The following MAPK8IP3 variants were observed in gnomAD, a reference collection of about 807,000 sequenced individuals.
The protein encoded by MAPK8IP3 is C-Jun-amino-terminal kinase-interacting protein 3.
Under a neutral mutation model 157.8 loss-of-function variants are expected in MAPK8IP3, and 49 were observed. That is an observed-to-expected ratio of 0.31 (90% CI 0.25 to 0.39). The LOEUF is 0.39. MAPK8IP3 is among the 10% of genes least tolerant of loss of function. The probability of loss-of-function intolerance (pLI) is 1.00; values close to 1 mark genes in which losing one functional copy is unlikely to be tolerated. For missense variants in MAPK8IP3, 1,478 were observed against 1,889.4 expected (o/e 0.78, Z 4.04); for synonymous variants, 897 against 777.7 (o/e 1.15, Z -2.55).
At chr16:1,756,619 C>T (rs939214497) in intron 8 of MAPK8IP3, among the ~76,000 whole-genome samples, 2 of 135,356 alleles carry the variant, frequency 1.5e-5, no homozygotes, top group Non-Finnish European at 3.1e-5. Context: ...CTCATTTTTA[C>T]TAAAACACAC....
At chr16:1,750,561 A>G (rs1024701836) in intron 8 of MAPK8IP3, among the ~76,000 whole-genome samples, 1 of 151,814 alleles carries the variant, frequency 6.6e-6, no homozygotes, top group African/African-American at 2.4e-5. Flanking sequence ...AAAAAATTAT[A>G]TATGCTTATA....
intron 2 of MAPK8IP3, among the ~76,000 whole-genome samples, chr16:1,727,240 C>G (rs560075337): frequency 7.1e-6 from 1 of 141,698 alleles, no homozygotes; most frequent in Non-Finnish European, 1.5e-5. Flanking sequence ...GTGCTATGTG[C>G]GGGTCTGTGT....
intron 17 of MAPK8IP3, 138 bp downstream of exon 17, chr16:1,763,921 C>T: frequency 9.3e-7 from 1 of 1,076,770 alleles, no homozygotes; most frequent in Non-Finnish European, 1.3e-6. Flanking sequence ...CGGGGCCTGG[C>T]AGGTTCCTAG....
At chr16:1,715,963 G>A (rs1200884422) in intron 1 of MAPK8IP3, among the ~76,000 whole-genome samples, 7 of 152,044 alleles carry the variant, frequency 4.6e-5, no homozygotes, top group East Asian at 1.9e-4. Context: ...CTGACCTCAC[G>A]TGATCTGCCC....
chr16:1,734,970 A>C (rs2039568483), intron 4 of MAPK8IP3: 1 of 154,666 alleles, frequency 6.5e-6, no homozygotes, highest in African/African-American at 2.4e-5. Flanking sequence ...CTGTGTGGCC[A>C]CATGTGTGCC....
intron 6 of MAPK8IP3, 123 bp downstream of exon 6, chr16:1,747,398 C>A: frequency 1.4e-6 from 2 of 1,386,724 alleles, no homozygotes; most frequent in East Asian, 2.5e-5. Context: ...CCTCACAGCC[C>A]GGAGGCTGGG....
chr16:1,750,600 C>T (rs1388337921), intron 8 of MAPK8IP3, among the ~76,000 whole-genome samples: 1 of 151,054 alleles, frequency 6.6e-6, no homozygotes, highest in Non-Finnish European at 1.5e-5. Flanking sequence ...CAGCAAATGC[C>T]AAGAAGAGAG....
intron 25 of MAPK8IP3, 57 bp from the exon 26 acceptor site, chr16:1,767,092 C>T: frequency 6.2e-7 from 1 of 1,600,618 alleles, no homozygotes; most frequent in Non-Finnish European, 8.5e-7. Context: ...CAACCCGATG[C>T]CCTGAGCAGA....
intron 4 of MAPK8IP3, among the ~76,000 whole-genome samples, chr16:1,737,520 G>A (rs536762748): frequency 3.0e-5 from 3 of 98,446 alleles, no homozygotes; most frequent in Non-Finnish European, 6.4e-5. Context: ...GTGACCGTCC[G>A]TGTGAGTGTG....
intron 10 of MAPK8IP3, 112 bp downstream of exon 10, chr16:1,759,107 G>A (rs889975799): frequency 3.6e-5 from 51 of 1,403,296 alleles, no homozygotes; most frequent in Middle Eastern, 3.5e-4. Context: ...TGGGGCCGCC[G>A]GGGTCAGGGG....
At chr16:1,746,114 C>G (rs1278741434) in intron 5 of MAPK8IP3, 5 of 152,208 alleles carry the variant, frequency 3.3e-5, no homozygotes, top group Non-Finnish European at 1.5e-5. Context: ...GGCACAGGAG[C>G]CACCTGGGTG....
chr16:1,722,493 T>C (rs1387939525), intron 1 of MAPK8IP3, among the ~76,000 whole-genome samples: 1 of 152,164 alleles, frequency 6.6e-6, no homozygotes, highest in African/African-American at 2.4e-5. Flanking sequence ...CCACTACCCA[T>C]GGATCTTCCA....
chr16:1,726,012 G>A (rs539672172), intron 2 of MAPK8IP3, among the ~76,000 whole-genome samples: 10 of 152,322 alleles, frequency 6.6e-5, no homozygotes, highest in Non-Finnish European at 1.2e-4. Flanking sequence ...GAAACCAATC[G>A]GCTGCGGTTT....
rs572454301 is a variant in MAPK8IP3 at position 1,769,133 on chromosome 16, C to T, written c.*309C>T. The T allele has an allele frequency of 1.5e-5, 6 of 405,180 alleles. No homozygotes were observed. Among genetic ancestry groups the T allele is most frequent in the South Asian group, 2.5e-5 (1 of 40,004 alleles). The allele number at this position is 405,180 out of a possible 1,614,324, so 25.1% of individuals were successfully genotyped here. On this transcript the variant is annotated 3_prime_UTR_variant, in exon 32 of 32. Coordinates refer to ENST00000610761, the MANE Select transcript of MAPK8IP3 (RefSeq NM_001318852.2). The stretch of plus-strand genomic sequence containing the variant: ...CCTTGGGCCCAGCGCAGGCAGAATC[C>T]GAGGTGGTCCTGGCTCTACCCTGGG...
chr16:1,769,933 T>G lies in MAPK8IP3; in HGVS notation c.*1109T>G, dbSNP rs1004283737. 2.6e-5 allele frequency: 4 copies of G among 152,338 alleles called. No homozygotes were observed. Among genetic ancestry groups the G allele is most frequent in the African/African-American group, 9.7e-5 (4 of 41,450 alleles). The allele number at this position is 152,338 out of a possible 1,614,324, so 9.4% of individuals were successfully genotyped here. ...AGCCCGCAGAGGGCAGACGCCACCC[T>G]GGACTGCTCTCCCTGCCCAGCTGGG... On this transcript the variant is annotated 3_prime_UTR_variant, in exon 32 of 32. Transcript: ENST00000610761.
chr16:1,732,731 AACT>A (rs1046112613), intron 4 of MAPK8IP3, among the ~76,000 whole-genome samples: 1 of 151,278 alleles, frequency 6.6e-6, no homozygotes, highest in African/African-American at 2.4e-5. Context: ...GCACCATGAG[AACT>A]ACGCCAGGGC....
intron 8 of MAPK8IP3, among the ~76,000 whole-genome samples, chr16:1,750,370 G>A (rs1424651078): frequency 8.6e-5 from 13 of 151,978 alleles, no homozygotes; most frequent in East Asian, 1.9e-4. Flanking sequence ...GCGCCACCAC[G>A]CCCGGCTAAT....
At chr16:1,764,698 G>A (rs947216829) in intron 19 of MAPK8IP3, among the ~76,000 whole-genome samples, 4 of 152,182 alleles carry the variant, frequency 2.6e-5, no homozygotes, top group Non-Finnish European at 5.9e-5. Flanking sequence ...GGCTGCAGGG[G>A]TCAGGCAGGC....
Position 1,710,979 on chromosome 16 carries a change from C to T in MAPK8IP3, c.318+4322C>T, listed in dbSNP as rs1596532423. Reference sequence around the variant, plus strand: ...GCCAGAGAGAACACGGGACAGAGGCCGAAGTGGCCCGGAGGCCGCTGGGCG... The same window carrying T: ...GCCAGAGAGAACACGGGACAGAGGCTGAAGTGGCCCGGAGGCCGCTGGGCG... On this transcript the variant is annotated intron_variant, in intron 1 of 31. Coordinates refer to ENST00000610761, the MANE Select transcript of MAPK8IP3 (RefSeq NM_001318852.2). The surrounding 1 kb of genome is among the most constrained non-coding windows in gnomAD (Gnocchi z 4.1). 2.0e-5 allele frequency among the ~76,000 whole-genome samples: 3 copies of T among 152,294 alleles called. No individual in the cohort carries two copies.
Sources: allele counts gnomAD v4.1 joint callset (sites outside exome capture counted in the v4.1 genomes callset), GRCh38; gene constraint gnomAD v4.1.1; non-coding constraint Gnocchi (gnomAD v3.1); transcripts MANE v1.5; gene names NCBI Gene and HGNC (gene_info 2026-07-23, HGNC 2026-07-21).